The following C16orf46 variants were observed in gnomAD, a reference collection of about 807,000 sequenced individuals.
C16orf46 encodes the protein chromosome 16 open reading frame 46.
Under a neutral mutation model 5.5 loss-of-function variants are expected in C16orf46, and 7 were observed. That is an observed-to-expected ratio of 1.28 (90% CI 0.73 to 2.40). The LOEUF (loss-of-function observed/expected upper bound fraction) is 2.40. C16orf46 is among the 30% of genes most tolerant of loss of function. The pLI is 0.00. For missense variants in C16orf46, 614 were observed against 476.0 expected (o/e 1.29, Z -2.70); for synonymous variants, 200 against 184.1 (o/e 1.09, Z -0.70).
In C16orf46 at chr16:81,063,891, G is replaced by A; in HGVS notation, c.65C>T (p.Thr22Ile). ...AGTATAGGTTGGTTCTGTTTCTTCT[G>A]TGAACTGAATTTCATTATTTTCAGC... The part of the protein sequence containing the change: ...ENAENNEIQF[T>I]EETEPTYTCP... The change falls in exon 3 of 4, where the codon ACA becomes ATA. Residue 22 changes from threonine to isoleucine, a missense_variant. Thr to Ile is a moderately conservative substitution (Grantham distance 89, BLOSUM62 -1). Coordinates refer to ENST00000299578, the MANE Select transcript of C16orf46 (RefSeq NM_152337.3). 6.2e-7 allele frequency: 1 copy of A among 1,613,484 alleles called. No homozygotes were observed.
At chr16:81,064,072 T>C (rs1971574874) in intron 2 of C16orf46, 79 bp from the exon 3 acceptor site, 3 of 758,646 alleles carry the variant, frequency 4.0e-6, no homozygotes, top group South Asian at 1.9e-5. Context: ...TCAGGTGAAA[T>C]ATCTTCAAGA....
At chr16:81,069,844 A>C (rs1971783973) in intron 1 of C16orf46, 1 of 152,044 alleles carries the variant, frequency 6.6e-6, no homozygotes, top group African/African-American at 2.4e-5. Flanking sequence ...AACCTTTTTC[A>C]CCAGGCATGG....
rs142706633 is a variant in C16orf46, at chr16:81,061,587, G to A, written c.762C>T (p.Gly254=). 124 of 1,614,066 alleles carry A rather than the reference G, an allele frequency of 7.7e-5. No homozygotes were observed. Among genetic ancestry groups the A allele is most frequent in the Non-Finnish European group, 8.4e-5 (99 of 1,180,042 alleles). Residue 254 remains glycine, a synonymous_variant, in exon 4 of 4, where the codon GGC becomes GGT. Coordinates refer to ENST00000299578, the MANE Select transcript of C16orf46 (RefSeq NM_152337.3). ...CACCTTTCCCATCTGCTGTTTTCAA[G>A]CCATATGCATAAGCCACACACCCAT... is the stretch of plus-strand genomic sequence containing the variant. ...EKDGCVAYAY[G]LKTADGKGEK...
chr16:81,063,599 A>G, intron 3 of C16orf46, 147 bp downstream of exon 3: 1 of 666,144 alleles, frequency 1.5e-6, no homozygotes. Context: ...TCTTATCATC[A>G]GTAATATTTT....
At chr16:81,055,662 C>A (rs1230404860) in intron 3 of C16orf46, among the ~76,000 whole-genome samples, 1 of 152,128 alleles carries the variant, frequency 6.6e-6, no homozygotes, top group Non-Finnish European at 1.5e-5. Context: ...CCACTGCACT[C>A]CAGCCTGGGT....
intron 1 of C16orf46, chr16:81,070,039 T>G (rs945832117): frequency 1.3e-5 from 2 of 152,004 alleles, no homozygotes; most frequent in Admixed American, 6.6e-5. Flanking sequence ...GGCAGAGAAC[T>G]GCTTGAACCC....
At chr16:81,068,196 C>T (rs1264121937) in intron 1 of C16orf46, among the ~76,000 whole-genome samples, 1 of 152,202 alleles carries the variant, frequency 6.6e-6, no homozygotes, top group Non-Finnish European at 1.5e-5. Flanking sequence ...GTAGCTTTAA[C>T]ACCCTAACCA....
At chr16:81,077,104 C>G (rs934176376) in intron 1 of C16orf46, 32 bp downstream of exon 1, 6 of 152,408 alleles carry the variant, frequency 3.9e-5, no homozygotes, top group African/African-American at 1.4e-4. Context: ...GGGCCTTGCC[C>G]CAGGGGTGGA....
At chr16:81,069,278 C>A (rs1001473927) in intron 1 of C16orf46, among the ~76,000 whole-genome samples, 1 of 152,146 alleles carries the variant, frequency 6.6e-6, no homozygotes, top group African/African-American at 2.4e-5. Context: ...AACAAGCAGC[C>A]CTATCTCTTT....
chr16:81,070,589 G>A (rs1042419535), intron 1 of C16orf46, among the ~76,000 whole-genome samples: 2 of 152,170 alleles, frequency 1.3e-5, no homozygotes, highest in Non-Finnish European at 2.9e-5. Flanking sequence ...ACAATTAACC[G>A]TCTATATGCA....
chr16:81,073,922 T>C (rs979174516), intron 1 of C16orf46, among the ~76,000 whole-genome samples: 1 of 152,208 alleles, frequency 6.6e-6, no homozygotes, highest in Non-Finnish European at 1.5e-5. Context: ...ACTGGATGAC[T>C]TAGGAGATCT....
chr16:81,061,473 G>C lies in C16orf46; in HGVS notation c.876C>G (p.Thr292=). The change falls in exon 4 of 4, where the codon ACC becomes ACG. Residue 292 remains threonine, a synonymous_variant. Coordinates refer to ENST00000299578, the MANE Select transcript of C16orf46 (RefSeq NM_152337.3). ...PSPAAQISLL[T]DPEQRCLHWS... is the part of the protein sequence containing the mutation. The stretch of plus-strand genomic sequence containing the variant: ...AATGCAGGCAGCGCTGCTCCGGATC[G>C]GTCAGCAGGGATATCTGGGCCGCTG... The C allele has an allele frequency of 6.2e-7, 1 of 1,614,150 alleles. No homozygotes were observed. Among genetic ancestry groups the C allele is most frequent in the Non-Finnish European group, 8.5e-7 (1 of 1,180,032 alleles).
intron 1 of C16orf46, among the ~76,000 whole-genome samples, chr16:81,068,353 C>G (rs765584231): frequency 6.6e-6 from 1 of 152,052 alleles, no homozygotes; most frequent in Non-Finnish European, 1.5e-5. Context: ...ATTGGGAAAG[C>G]GGGGGAGAAA....
intron 1 of C16orf46, among the ~76,000 whole-genome samples, chr16:81,067,024 G>A (rs1427467383): frequency 1.3e-5 from 2 of 152,128 alleles, no homozygotes; most frequent in Admixed American, 6.6e-5. Context: ...AAAAGAAATA[G>A]TTGACTCTGA....
chr16:81,064,121 T>G (rs941973875), intron 2 of C16orf46, 128 bp from the exon 3 acceptor site: 1 of 546,460 alleles, frequency 1.8e-6, no homozygotes, highest in Admixed American at 3.3e-5. Context: ...GGCTCATGCC[T>G]GTAATTCCAG....
downstream of C16orf46, chr16:81,056,257 T>C (rs1971292398): frequency 6.6e-6 from 1 of 152,168 alleles, no homozygotes; most frequent in Non-Finnish European, 1.5e-5. Flanking sequence ...GTAAATACAC[T>C]AATTTAACAT....
intron 2 of C16orf46, among the ~76,000 whole-genome samples, chr16:81,064,424 C>T (rs804891): frequency 6.6e-6 from 1 of 151,402 alleles, no homozygotes; most frequent in African/African-American, 2.4e-5. Context: ...AAATATTACG[C>T]AACTATCCAC....
Position 81,061,504 on chromosome 16 carries a change from G to C in C16orf46, c.845C>G (p.Pro282Arg). The C allele has an allele frequency of 6.2e-7, 1 of 1,614,220 alleles. No homozygotes were observed. The highest frequency in any genetic ancestry group is 1.1e-5 in the South Asian group (1 of 91,084). The stretch of plus-strand genomic sequence containing the variant: ...CAGGGATATCTGGGCCGCTGGGGAA[G>C]GGGAGGATGGCGTGTCGTTGACCAT... ...HPMVNDTPSS[P>R]SPAAQISLLT... Residue 282 changes from proline to arginine, a missense_variant, in exon 4 of 4, where the codon CCT becomes CGT. Coordinates refer to ENST00000299578, the MANE Select transcript of C16orf46 (RefSeq NM_152337.3).
downstream of C16orf46, chr16:81,060,796 C>A: frequency 4.3e-6 from 1 of 230,956 alleles, no homozygotes; most frequent in Middle Eastern, 1.8e-3. Flanking sequence ...TGACGTGCGG[C>A]CAGCATGGAG....
Sources: gnomAD v4.1 joint callset for allele counts (sites outside exome capture counted in the v4.1 genomes callset) on GRCh38, gnomAD v4.1.1 for gene constraint, MANE v1.5 for transcripts, NCBI Gene and HGNC (gene_info 2026-07-23, HGNC 2026-07-21) for gene names.